KIF4A: variants seen among roughly 807,000 people sequenced by gnomAD.
KIF4A encodes kinesin family member 4A, also known as chromosome-associated kinesin KIF4A.
KIF4A carries 7 observed loss-of-function variants against 105.9 expected under a neutral mutation model. The observed-to-expected ratio is 0.07, with a 90% CI of 0.04 to 0.12. KIF4A has a LOEUF of 0.12. KIF4A is among the 10% of genes least tolerant of loss of function. The pLI is 1.00. For synonymous variants in KIF4A, 281 were observed against 331.3 expected (o/e 0.85, Z 1.65); for missense variants, 558 against 929.2 (o/e 0.60, Z 5.19).
At chrX:70,308,912 A>G (rs184714490) in intron 7 of KIF4A, among the ~76,000 whole-genome samples, 15 of 112,510 alleles carry the variant, frequency 1.3e-4, no homozygotes, top group African/African-American at 4.8e-4. Flanking sequence ...GCCAGGCCTG[A>G]GATCTTTTTT....
chrX:70,327,980 G>C (rs1183532933), intron 7 of KIF4A, among the ~76,000 whole-genome samples: 1 of 111,583 alleles, frequency 9.0e-6, no homozygotes, highest in African/African-American at 3.3e-5. Flanking sequence ...GACAGTATTA[G>C]AAAGTGTCAG....
chrX:70,316,133 A>T (rs2085868366), intron 7 of KIF4A, among the ~76,000 whole-genome samples: 1 of 111,717 alleles, frequency 9.0e-6, no homozygotes, highest in Non-Finnish European at 1.9e-5. Flanking sequence ...TATCTTCCCA[A>T]AATTCATGTA....
At chrX:70,410,457 G>A (rs747248508) in intron 28 of KIF4A, among the ~76,000 whole-genome samples, 4 of 111,662 alleles carry the variant, frequency 3.6e-5, no homozygotes, top group Non-Finnish European at 7.5e-5. Context: ...GTTTGCCACG[G>A]GTTCATTGAG....
intron 28 of KIF4A, among the ~76,000 whole-genome samples, chrX:70,414,664 T>C (rs2086336071): frequency 8.9e-6 from 1 of 112,167 alleles, no homozygotes; most frequent in South Asian, 3.7e-4. Flanking sequence ...GGAGTAAAAA[T>C]TACGTTCAGG....
intron 13 of KIF4A, among the ~76,000 whole-genome samples, chrX:70,345,270 C>G (rs192606214): frequency 9.0e-6 from 1 of 111,542 alleles, no homozygotes; most frequent in Admixed American, 9.5e-5. Context: ...TCAAAACTAG[C>G]CTGGCCAAAA....
chrX:70,391,333 T>G (rs1056914524), intron 20 of KIF4A, among the ~76,000 whole-genome samples: 2 of 111,880 alleles, frequency 1.8e-5, no homozygotes, highest in African/African-American at 6.5e-5. Flanking sequence ...TGTCTGTAAA[T>G]ACAATTTTAT....
chrX:70,347,092 TC>T (rs2085995946), intron 13 of KIF4A, among the ~76,000 whole-genome samples: 1 of 111,874 alleles, frequency 8.9e-6, no homozygotes, highest in Non-Finnish European at 1.9e-5. Context: ...TCCTTTCAGT[TC>T]CTACAAAATC....
intron 11 of KIF4A, 120 bp from the exon 12 acceptor site, chrX:70,343,583 C>A: frequency 3.4e-6 from 2 of 588,174 alleles, no homozygotes; most frequent in South Asian, 6.3e-5. Context: ...CCACTAAATC[C>A]TCTGTTACAG....
chrX:70,412,117 C>T (rs1057043083), intron 28 of KIF4A, among the ~76,000 whole-genome samples: 2 of 111,359 alleles, frequency 1.8e-5, no homozygotes, highest in African/African-American at 6.5e-5. Flanking sequence ...GAAGTTACAG[C>T]TCATGTACCT....
chrX:70,301,960 C>G lies in KIF4A; in HGVS notation c.577C>G (p.Gln193Glu). The G allele has an allele frequency of 8.3e-7, 1 of 1,211,662 alleles. No individual in the cohort carries two copies. Among genetic ancestry groups the G allele is most frequent in the Non-Finnish European group, 1.1e-6 (1 of 895,337 alleles). The change falls in exon 6 of 31, where the codon CAG (glutamine) becomes GAG (glutamate). Residue 193 changes from glutamine (Q) to glutamate (E), a missense_variant. Physicochemically the swap from Gln to Glu is conservative, Grantham distance 29 (BLOSUM62 2). Transcript: ENST00000374403. ...VALDTVSCLE[Q>E]GNNSRTVAST... ...CTTGGATACTGTTTCCTGTTTGGAA[C>G]AGGGCAACAACTCTAGGACTGTGGC... is the stretch of plus-strand genomic sequence containing the variant.
intron 9 of KIF4A, among the ~76,000 whole-genome samples, chrX:70,332,355 A>C (rs1362625891): frequency 8.9e-6 from 1 of 111,758 alleles, no homozygotes; most frequent in Non-Finnish European, 1.9e-5. Flanking sequence ...TTGTAAGCCA[A>C]ATGCTACCAG....
chrX:70,375,997 T>G, intron 17 of KIF4A, 103 bp from the exon 18 acceptor site: 1 of 497,068 alleles, frequency 2.0e-6, no homozygotes, highest in Non-Finnish European at 3.4e-6. Context: ...TTTCCCAGCC[T>G]AGTTCTGGCT....
chrX:70,326,198 G>A (rs778085895), intron 7 of KIF4A, among the ~76,000 whole-genome samples: 1 of 111,929 alleles, frequency 8.9e-6, no homozygotes, highest in Non-Finnish European at 1.9e-5. Context: ...TTCTTCACAC[G>A]TAGAGCAGGG....
chrX:70,420,407 T>C lies in KIF4A; in HGVS notation c.*142T>C. ...GAACAAAGCGTTACTGAAAAGAAGG[T>C]AACCTTTGTTGGATGTGGGCCTTAG... On this transcript the variant is annotated 3_prime_UTR_variant, in exon 31 of 31. Transcript: ENST00000374403. 1.2e-6 allele frequency: 1 copy of C among 812,807 alleles called. No individual in the cohort carries two copies. The highest frequency in any genetic ancestry group is 1.7e-6 in the Non-Finnish European group (1 of 584,318). The allele number at this position is 812,807 out of a possible 1,213,427, so 67.0% of individuals were successfully genotyped here.
chrX:70,367,656 C>T (rs1165917698), intron 15 of KIF4A, among the ~76,000 whole-genome samples: 7 of 111,457 alleles, frequency 6.3e-5, no homozygotes, highest in Admixed American at 9.6e-5. Flanking sequence ...GTGGGTAACC[C>T]GACCTTTCTC....
At chrX:70,313,099 T>A (rs1318444898) in intron 7 of KIF4A, among the ~76,000 whole-genome samples, 2 of 112,138 alleles carry the variant, frequency 1.8e-5, no homozygotes, top group African/African-American at 6.5e-5. Flanking sequence ...TCTTTTTTTT[T>A]ACTTAATATG....
At chrX:70,372,415 C>A (rs771732916) in intron 15 of KIF4A, among the ~76,000 whole-genome samples, 1 of 112,939 alleles carries the variant, frequency 8.9e-6, no homozygotes, top group Non-Finnish European at 1.9e-5. Context: ...CCGAGGCTGG[C>A]GGATCACTCA....
intron 25 of KIF4A, 63 bp from the exon 26 acceptor site, chrX:70,405,765 G>T (rs2086297693): frequency 1.2e-6 from 1 of 822,769 alleles, no homozygotes; most frequent in Admixed American, 2.2e-5. Context: ...TATGTGAGTT[G>T]TTTGGTAACC....
rs768485899 is a variant in KIF4A at position 70,302,687 on chromosome X, C to T, written c.778+289C>T. On this transcript the variant is annotated intron_variant, in intron 7 of 30. Transcript: ENST00000374403. ...TACCCCAACTATTTATAATTAAAAT[C>T]AGTATCCTGATTCTGTCATTTTAAG... Among the ~76,000 whole-genome samples, 4 of 111,956 alleles carry T rather than the reference C, an allele frequency of 3.6e-5. 1 individual carries two copies. The South Asian group carries it at 1.5e-3, about 42-fold the overall frequency.
Sources: allele counts gnomAD v4.1 joint callset (sites outside exome capture counted in the v4.1 genomes callset), GRCh38; gene constraint gnomAD v4.1.1; transcripts MANE v1.5; gene names NCBI Gene and HGNC (gene_info 2026-07-23, HGNC 2026-07-21).